ERI3: variants seen among roughly 807,000 people sequenced by gnomAD.
ERI3 encodes ERI1 exoribonuclease 3.
Under a neutral mutation model 44.4 loss-of-function variants are expected in ERI3, and 18 were observed. That is an observed-to-expected ratio of 0.41 (90% confidence interval 0.28 to 0.60). The LOEUF is 0.60. Among genes scored for constraint, ERI3 ranks in the 20% least tolerant of loss-of-function variants. ERI3 has a pLI of 0.36. For synonymous variants in ERI3, 183 were observed against 164.8 expected (o/e 1.11, Z -0.84); for missense variants, 294 against 435.5 (o/e 0.68, Z 2.89).
At chr1:44,340,527 G>A (rs752558444) in intron 2 of ERI3, among the ~76,000 whole-genome samples, 6 of 152,244 alleles carry the variant, frequency 3.9e-5, no homozygotes, top group South Asian at 2.1e-4. Context: ...GAAGTCCAGC[G>A]CGTACTCAAA....
intron 7 of ERI3, among the ~76,000 whole-genome samples, chr1:44,262,686 T>G (rs1242991625): frequency 2.0e-5 from 3 of 152,192 alleles, no homozygotes. Context: ...GGAGGAGCCT[T>G]CTAGAAGTGT....
At chr1:44,336,658 G>C (rs918986236) in intron 3 of ERI3, among the ~76,000 whole-genome samples, 4 of 152,206 alleles carry the variant, frequency 2.6e-5, no homozygotes, top group African/African-American at 4.8e-5. Flanking sequence ...CTGACGATCA[G>C]GTCAAGTATC....
chr1:44,253,516 T>C (rs1644724216), intron 7 of ERI3, among the ~76,000 whole-genome samples: 1 of 152,032 alleles, frequency 6.6e-6, no homozygotes, highest in Non-Finnish European at 1.5e-5. Flanking sequence ...TGTGGCAGAG[T>C]GTATTTTCCT....
intron 6 of ERI3, among the ~76,000 whole-genome samples, chr1:44,288,933 A>C (rs778355263): frequency 6.6e-6 from 1 of 152,214 alleles, no homozygotes; most frequent in Non-Finnish European, 1.5e-5. Flanking sequence ...AGCCACTGGC[A>C]GTGGGCCCTG....
chr1:44,291,821 G>A (rs1212087733), intron 6 of ERI3, among the ~76,000 whole-genome samples: 5 of 152,208 alleles, frequency 3.3e-5, no homozygotes, highest in Non-Finnish European at 5.9e-5. Flanking sequence ...TTTCCCCAGT[G>A]ACCTCGCCTA....
At chr1:44,311,990 C>T (rs1269627114) in intron 5 of ERI3, among the ~76,000 whole-genome samples, 5 of 152,118 alleles carry the variant, frequency 3.3e-5, no homozygotes, top group Non-Finnish European at 7.3e-5. Flanking sequence ...CAAACTCTGA[C>T]TCCCAACCAG....
chr1:44,265,327 A>C (rs113898812), intron 7 of ERI3, among the ~76,000 whole-genome samples: 1,808 of 152,350 alleles, frequency 0.012, 10 homozygotes, highest in Non-Finnish European at 0.016. Flanking sequence ...ATATGCCTAT[A>C]CAGCTGTACT....
intron 6 of ERI3, among the ~76,000 whole-genome samples, chr1:44,304,348 G>GA (rs1482537792): frequency 2.6e-5 from 4 of 152,070 alleles, no homozygotes; most frequent in African/African-American, 9.7e-5. Flanking sequence ...AGAGATCAAA[G>GA]AAACACCACT....
intron 2 of ERI3, among the ~76,000 whole-genome samples, chr1:44,342,840 T>TATATATATATATATAA (rs1646699822): frequency 6.5e-5 from 2 of 30,628 alleles, no homozygotes; most frequent in Non-Finnish European, 6.0e-5. Flanking sequence ...TATATATATA[T>TATATATATATATATAA]ATATATATAT....
intron 3 of ERI3, among the ~76,000 whole-genome samples, chr1:44,325,078 T>A (rs1395492546): frequency 1.3e-5 from 1 of 79,262 alleles, no homozygotes; most frequent in Non-Finnish European, 3.0e-5. Context: ...AACACAGCTT[T>A]TTTTTTTTTT....
intron 1 of ERI3, 168 bp downstream of exon 1, chr1:44,354,724 T>C: frequency 3.0e-6 from 3 of 985,364 alleles, no homozygotes; most frequent in Non-Finnish European, 3.6e-6. Flanking sequence ...CTTGCAAAGC[T>C]CTGCCCCGCT....
rs920369487 is a variant in ERI3, at chr1:44,228,803, T to C, written c.932-7163A>G. ...ATCAAACCCCTTATGTCGCTTGCAG[T>C]GCATTTGGCCACCAGGAACTCAACT... On this transcript the variant is annotated intron_variant, in intron 8 of 8. Transcript: ENST00000372257. This position sits in a 1 kb window ranked among gnomAD's most constrained non-coding sequence, Gnocchi z 4.3. Among the ~76,000 whole-genome samples the C allele has an allele frequency of 6.6e-6, 1 of 152,210 alleles. No individual in the cohort carries two copies. Among genetic ancestry groups the C allele is most frequent in the African/African-American group, 2.4e-5 (1 of 41,444 alleles).
At chr1:44,316,767 T>C (rs1646096189) in intron 4 of ERI3, among the ~76,000 whole-genome samples, 1 of 151,418 alleles carries the variant, frequency 6.6e-6, no homozygotes, top group South Asian at 2.1e-4. Context: ...ATTTCTCTAG[T>C]TTTTTTTTCA....
intron 3 of ERI3, chr1:44,322,794 T>A (rs1281126554): frequency 6.5e-7 from 1 of 1,550,042 alleles, no homozygotes. Context: ...AACAGCCCAG[T>A]AGTGGGAGAG....
chr1:44,285,056 G>A, intron 6 of ERI3, 149 bp from the exon 7 acceptor site: 1 of 638,516 alleles, frequency 1.6e-6, no homozygotes, highest in Non-Finnish European at 2.7e-6. Flanking sequence ...CCAAAGAAAG[G>A]GAACCCCACC....
intron 5 of ERI3, among the ~76,000 whole-genome samples, chr1:44,309,181 A>G (rs1382703737): frequency 6.6e-6 from 1 of 152,214 alleles, no homozygotes. Flanking sequence ...TAAAATCAGT[A>G]TACAACAAGA....
intron 6 of ERI3, among the ~76,000 whole-genome samples, chr1:44,293,771 T>C (rs1645556116): frequency 6.6e-6 from 1 of 152,194 alleles, no homozygotes; most frequent in East Asian, 1.9e-4. Flanking sequence ...CCACACAGCT[T>C]CTTTGAGGAA....
chr1:44,239,289 G>A (rs373061223), intron 8 of ERI3, among the ~76,000 whole-genome samples: 2 of 152,328 alleles, frequency 1.3e-5, no homozygotes, highest in East Asian at 3.9e-4. Context: ...GTGGGGGTCT[G>A]CTTTGGGGTG....
rs191199287 is a variant in ERI3 at position 44,352,159 on chromosome 1, C to G, written c.211+691G>C. 5.1e-3 allele frequency among the ~76,000 whole-genome samples: 775 copies of G among 152,306 alleles called. 19 individuals carry two copies. The highest frequency in any genetic ancestry group is 3.8e-3 in the Non-Finnish European group (258 of 68,032). The stretch of plus-strand genomic sequence containing the variant: ...GCTCGAGTCCCTGGATATCAATCAT[C>G]CAGAGTATGCCTCTTTAGCTGGTCC... On this transcript the variant is annotated intron_variant, in intron 2 of 8. Coordinates refer to ENST00000372257, the MANE Select transcript of ERI3 (RefSeq NM_024066.3).
Sources: gnomAD v4.1 joint callset for allele counts (sites outside exome capture counted in the v4.1 genomes callset) on GRCh38, gnomAD v4.1.1 for gene constraint, Gnocchi (gnomAD v3.1) non-coding constraint, MANE v1.5 for transcripts, NCBI Gene and HGNC (gene_info 2026-07-23, HGNC 2026-07-21) for gene names.